NEDD1: variants seen among roughly 807,000 people sequenced by gnomAD.
The protein encoded by NEDD1 is protein NEDD1.
A neutral mutation model predicts 74.0 loss-of-function variants in NEDD1; 33 were observed. The observed-to-expected ratio is 0.45, with a 90% CI of 0.34 to 0.60. NEDD1 has a LOEUF of 0.60. NEDD1 is among the 20% of genes least tolerant of loss of function. The pLI is 0.01. For synonymous variants in NEDD1, 250 were observed against 264.4 expected, an observed-to-expected ratio of 0.95 and a Z score of 0.53; for missense variants, 746 against 776.5, an observed-to-expected ratio of 0.96 and a Z score of 0.47.
At chr12:96,934,059 G>A (rs1324141248) in intron 6 of NEDD1, among the ~76,000 whole-genome samples, 1 of 152,152 alleles carries the variant, frequency 6.6e-6, no homozygotes, top group Non-Finnish European at 1.5e-5. Context: ...TCCATCCCCA[G>A]TCTAGAGTGT....
chr12:96,908,456 C>T (rs1873552901), intron 2 of NEDD1, among the ~76,000 whole-genome samples: 1 of 152,198 alleles, frequency 6.6e-6, no homozygotes, highest in African/African-American at 2.4e-5. Flanking sequence ...CTCTCCCTTT[C>T]CTTTTCTCCC....
intron 6 of NEDD1, among the ~76,000 whole-genome samples, chr12:96,926,867 G>T (rs908067193): frequency 6.6e-6 from 1 of 151,802 alleles, no homozygotes. Context: ...CGCGCCTATA[G>T]TCCTAGCTAC....
intron 5 of NEDD1, among the ~76,000 whole-genome samples, chr12:96,919,277 T>C (rs1454237397): frequency 6.6e-6 from 1 of 152,128 alleles, no homozygotes; most frequent in Non-Finnish European, 1.5e-5. Context: ...GAGTTTGACA[T>C]GGAATTGAGT....
chr12:96,938,086 T>A (rs150286959), intron 9 of NEDD1, among the ~76,000 whole-genome samples: 1 of 152,210 alleles, frequency 6.6e-6, no homozygotes, highest in East Asian at 1.9e-4. Context: ...CCATGTCTTT[T>A]AAATTTTTCA....
intron 5 of NEDD1, among the ~76,000 whole-genome samples, chr12:96,918,051 T>G (rs1371263315): frequency 6.6e-6 from 1 of 152,122 alleles, no homozygotes; most frequent in Admixed American, 6.6e-5. Flanking sequence ...ATCAGGGATC[T>G]TTCCTTAGGG....
rs1873486943 is a variant in NEDD1, at chr12:96,907,839, A to G, written c.-26A>G. The G allele has an allele frequency of 7.3e-7, 1 of 1,362,542 alleles. No individual in the cohort carries two copies. The highest frequency in any genetic ancestry group is 9.5e-7 in the Non-Finnish European group (1 of 1,054,856). 84.4% of individuals were successfully genotyped at this position (1,362,542 alleles called of 1,614,324 possible). ...ATGTAAAGTCTCTCCCTTAATGCTCAGTTCTTAGAAGACCGAGGTAGGTGG... is the reference window on the plus strand; with the variant it reads ...ATGTAAAGTCTCTCCCTTAATGCTCGGTTCTTAGAAGACCGAGGTAGGTGG... On this transcript the variant is annotated 5_prime_UTR_variant, in exon 2 of 16. Transcript: ENST00000266742.
intron 2 of NEDD1, among the ~76,000 whole-genome samples, chr12:96,908,616 G>A (rs7300178): frequency 0.014 from 2,185 of 152,268 alleles, 43 homozygotes; most frequent in African/African-American, 0.049. Context: ...TGTTTCAGCT[G>A]TATGCTCTGA....
At chr12:96,931,973 A>G (rs1432763609) in intron 6 of NEDD1, among the ~76,000 whole-genome samples, 1 of 152,140 alleles carries the variant, frequency 6.6e-6, no homozygotes, top group Non-Finnish European at 1.5e-5. Flanking sequence ...GGTCTAGCCA[A>G]CTTATTTTTG....
intron 6 of NEDD1, among the ~76,000 whole-genome samples, chr12:96,920,790 T>A (rs1565791177): frequency 6.6e-6 from 1 of 152,202 alleles, no homozygotes; most frequent in African/African-American, 2.4e-5. Context: ...TACTTAATTG[T>A]AATCTCTTTG....
chr12:96,930,610 C>G (rs1331383154), intron 6 of NEDD1, among the ~76,000 whole-genome samples: 1 of 152,016 alleles, frequency 6.6e-6, no homozygotes, highest in Non-Finnish European at 1.5e-5. Flanking sequence ...TTCCAAACTC[C>G]CAGAAGGAAA....
intron 6 of NEDD1, 125 bp downstream of exon 6, chr12:96,920,250 G>T: frequency 1.8e-6 from 1 of 565,976 alleles, no homozygotes; most frequent in East Asian, 2.9e-5. Context: ...TTAAATGGTA[G>T]TGTTTTAAAA....
intron 13 of NEDD1, 66 bp from the exon 14 acceptor site, chr12:96,945,627 T>C (rs747566646): frequency 2.8e-5 from 28 of 1,003,328 alleles, no homozygotes; most frequent in Non-Finnish European, 3.9e-5. Flanking sequence ...CCAAATCTTA[T>C]TTAGAAATGT....
intron 6 of NEDD1, among the ~76,000 whole-genome samples, chr12:96,922,631 T>C (rs1360596705): frequency 6.6e-6 from 1 of 152,228 alleles, no homozygotes; most frequent in African/African-American, 2.4e-5. Context: ...AAGATTTAAA[T>C]TTTTTAAAAC....
intron 11 of NEDD1, 26 bp downstream of exon 11, chr12:96,942,650 G>T: frequency 4.0e-6 from 5 of 1,262,886 alleles, no homozygotes; most frequent in Non-Finnish European, 5.8e-6. Context: ...AAGTATTTTC[G>T]TGAAAATGAA....
chr12:96,919,243 A>G (rs1015262551), intron 5 of NEDD1, among the ~76,000 whole-genome samples: 1 of 152,154 alleles, frequency 6.6e-6, no homozygotes, highest in African/African-American at 2.4e-5. Flanking sequence ...GCAGCCTGGT[A>G]TAGTGGAAGG....
intron 5 of NEDD1, among the ~76,000 whole-genome samples, chr12:96,919,266 G>T (rs11613194): frequency 0.052 from 7,924 of 152,208 alleles, 267 homozygotes; most frequent in South Asian, 0.092. Flanking sequence ...GAGAGGCTTT[G>T]GAGTTTGACA....
At chr12:96,924,097 A>G (rs1157021036) in intron 6 of NEDD1, among the ~76,000 whole-genome samples, 4 of 152,152 alleles carry the variant, frequency 2.6e-5, no homozygotes. Context: ...ATAGATATCT[A>G]ATTGTACCAA....
At position 96,914,336 on chromosome 12, in the gene NEDD1, G is replaced by C. The variant is rs57888505; in HGVS notation, c.231+1519G>C. On this transcript the variant is annotated intron_variant, in intron 4 of 15. Transcript: ENST00000266742. ...AGTATTTGGGAGCTTTTTTTTTAAA[G>C]TATAAAAATAACAGATGGTATTTAC... 4.1e-3 allele frequency among the ~76,000 whole-genome samples: 617 copies of C among 152,132 alleles called. 7 individuals are homozygous for C. The highest frequency in any genetic ancestry group is 0.014 in the Middle Eastern group (4 of 294).
chr12:96,943,846 A>G (rs1877919377), intron 12 of NEDD1, 84 bp downstream of exon 12: 1 of 756,424 alleles, frequency 1.3e-6, no homozygotes, highest in African/African-American at 1.8e-5. Flanking sequence ...TATCCTAATT[A>G]TTAGCATTGC....
Sources: allele counts gnomAD v4.1 joint callset (sites outside exome capture counted in the v4.1 genomes callset), GRCh38; gene constraint gnomAD v4.1.1; transcripts MANE v1.5; gene names NCBI Gene and HGNC (gene_info 2026-07-23, HGNC 2026-07-21).